Variants in H3C4 observed in about 807,000 individuals in gnomAD.
The protein encoded by H3C4 is histone H3.1.
In H3C4, 10 loss-of-function variants were observed where a neutral mutation model predicts 8.7. The observed-to-expected ratio is 1.15, with a 90% CI of 0.71 to 1.96. H3C4 has a LOEUF of 1.96. Among genes scored for constraint, H3C4 ranks in the 30% most tolerant of loss-of-function variants. H3C4 has a pLI of 0.00. For synonymous variants in H3C4, 141 were observed against 80.1 expected (o/e 1.76, Z -4.06); for missense variants, 216 against 192.9 (o/e 1.12, Z -0.71).
At chr6:26,198,971 G>A (rs117079837), upstream of H3C4, 133 of 1,614,250 alleles carry the variant, frequency 8.2e-5, 1 homozygote, top group East Asian at 1.1e-3. Flanking sequence ...TTAGCTCCTC[G>A]TCGTTGCGGA....
chr6:26,197,253 C>G lies in H3C4; in HGVS notation c.-3G>C, dbSNP rs78392824. ...GCAGTCTGCTTGGTACGAGCCATTG[C>G]GAACTTCTAAACCCTGCTAAATGAC... On this transcript the variant is annotated 5_prime_UTR_variant, in exon 1 of 1. Transcript: ENST00000356476. 2,934 of 1,609,278 alleles carry G rather than the reference C, an allele frequency of 1.8e-3. 71 individuals are homozygous for G. The South Asian group carries it at 0.02, about 11-fold the overall frequency.
At chr6:26,197,557 CTT>C (rs1765004457), upstream of H3C4, among the ~76,000 whole-genome samples, 1 of 151,940 alleles carries the variant, frequency 6.6e-6, no homozygotes, top group Non-Finnish European at 1.5e-5. Context: ...GATGACGTGT[CTT>C]AATTTTTTTT....
chr6:26,197,881 T>TAAAA (rs79006416), upstream of H3C4, among the ~76,000 whole-genome samples: 264 of 105,180 alleles, frequency 2.5e-3, 2 homozygotes, highest in East Asian at 4.3e-3. Context: ...TAATCTGCTG[T>TAAAA]AAAAAAAAAA....
rs149404743 is a variant in H3C4 at position 26,197,080 on chromosome 6, C to T, written c.171G>A (p.Lys57=). 5.0e-6 allele frequency: 8 copies of T among 1,614,240 alleles called. No homozygotes were observed. In the African/African-American group the frequency reaches 9.3e-5, roughly 19 times the overall value. The change falls in exon 1 of 1, where the codon AAG becomes AAA. Residue 57 remains lysine (K), a synonymous_variant. Transcript: ENST00000356476. ...GTTTGCGAATCAGCAGCTCGGTCGA[C>T]TTCTGGTAGCGGCGGATCTCGCGCA... ...VALREIRRYQ[K]STELLIRKLP...
upstream of H3C4, chr6:26,199,253 T>C (rs746387891): frequency 3.8e-6 from 6 of 1,591,772 alleles, no homozygotes; most frequent in Middle Eastern, 1.7e-4. Context: ...TTTTGAATTC[T>C]TAAAAACGAT....
upstream of H3C4, chr6:26,199,009 T>A: frequency 6.2e-7 from 1 of 1,614,164 alleles, no homozygotes; most frequent in Non-Finnish European, 8.5e-7. Flanking sequence ...CGGGGGATGA[T>A]GCGGGTCTTC....
chr6:26,197,561 AT>A (rs1006615419), upstream of H3C4, among the ~76,000 whole-genome samples: 5 of 151,464 alleles, frequency 3.3e-5, no homozygotes, highest in African/African-American at 9.7e-5. Context: ...ACGTGTCTTA[AT>A]TTTTTTTTAA....
chr6:26,197,349 C>G, upstream of H3C4: 1 of 1,306,438 alleles, frequency 7.7e-7, no homozygotes, highest in Non-Finnish European at 1.1e-6. Context: ...GACAAGGCAG[C>G]CTTTCCCCTG....
upstream of H3C4, chr6:26,199,117 G>C (rs568525707): frequency 1.2e-6 from 2 of 1,614,198 alleles, no homozygotes; most frequent in Admixed American, 1.7e-5. Context: ...GCCCCGACTC[G>C]CTCGGAGTAG....
upstream of H3C4, among the ~76,000 whole-genome samples, chr6:26,198,666 T>C (rs759602978): frequency 7.2e-5 from 11 of 152,198 alleles, no homozygotes; most frequent in African/African-American, 1.4e-4. Flanking sequence ...ATCTTTAAAA[T>C]GGACGGTTAG....
In H3C4 at chr6:26,197,109, C is replaced by T. The variant is rs2113856770; in HGVS notation, c.142G>A (p.Ala48Thr). ...TGGTAGCGGCGGATCTCGCGCAGAG[C>T]CACCGTGCCGGGCCGGTAACGGTGG... Reference protein sequence around the residue: ...KPHRYRPGTVALREIRRYQKS... With the variant: ...KPHRYRPGTVTLREIRRYQKS... The change falls in exon 1 of 1, where the codon GCT becomes ACT. Residue 48 changes from alanine (A) to threonine (T), a missense_variant. Transcript: ENST00000356476. 1 of 1,614,178 alleles carries T rather than the reference C, an allele frequency of 6.2e-7. No homozygotes were observed. Among genetic ancestry groups the T allele is most frequent in the African/African-American group, 1.3e-5 (1 of 75,050 alleles).
Position 26,196,952 on chromosome 6 carries a change from T to TA in H3C4, c.298dup (p.Tyr100LeufsTer7). The TA allele has an allele frequency of 6.2e-7, 1 of 1,614,224 alleles. No individual in the cohort carries two copies. Among genetic ancestry groups the TA allele is most frequent in the Non-Finnish European group, 8.5e-7 (1 of 1,180,040 alleles). On this transcript the variant is annotated frameshift_variant, in exon 1 of 1. Coordinates refer to ENST00000356476, the MANE Select transcript of H3C4 (RefSeq NM_001376937.1). LOFTEE classifies it high-confidence loss of function. ...GGTGTCCTCAAACAGCCCCACCAGG[T>TA]AGGCCTCGCAGGCCTCCTGCAGCGC...
chr6:26,198,815 C>G (rs1323055222), upstream of H3C4: 1 of 1,599,446 alleles, frequency 6.3e-7, no homozygotes, highest in East Asian at 2.2e-5. Flanking sequence ...TTTGTTAAGA[C>G]TGCTTCCTTA....
At position 26,197,129 on chromosome 6, in the gene H3C4, C is replaced by T; in HGVS notation, c.122G>A (p.Arg41His). The change falls in exon 1 of 1, where the codon CGT becomes CAT. Residue 41 changes from arginine (R) to histidine (H), a missense_variant. Arg to His is a conservative substitution (Grantham distance 29, BLOSUM62 0). Transcript: ENST00000356476. ...CAGAGCCACCGTGCCGGGCCGGTAA[C>T]GGTGGGGCTTCTTCACGCCGCCGGT... is the stretch of plus-strand genomic sequence containing the variant. ...PATGGVKKPH[R>H]YRPGTVALRE... 6.2e-7 allele frequency: 1 copy of T among 1,614,198 alleles called. No homozygotes were observed. Among genetic ancestry groups the T allele is most frequent in the Non-Finnish European group, 8.5e-7 (1 of 1,180,030 alleles).
chr6:26,198,754 C>T, upstream of H3C4: 2 of 1,247,890 alleles, frequency 1.6e-6, no homozygotes, highest in Admixed American at 2.4e-5. Flanking sequence ...GCTATTTACA[C>T]AGAAAATGTG....
chr6:26,198,844 T>C (rs1156419719), upstream of H3C4: 3 of 1,611,224 alleles, frequency 1.9e-6, no homozygotes, highest in Non-Finnish European at 2.5e-6. Context: ...ATATAAGAGT[T>C]CTCGTTTTAC....
chr6:26,197,306 C>G (rs951301265), upstream of H3C4: 37 of 1,562,854 alleles, frequency 2.4e-5, no homozygotes, highest in Admixed American at 4.1e-5. Flanking sequence ...GCCTTTCGTA[C>G]CCGTATATAT....
At chr6:26,198,625 C>T (rs971541960), upstream of H3C4, among the ~76,000 whole-genome samples, 2 of 152,198 alleles carry the variant, frequency 1.3e-5, no homozygotes, top group Admixed American at 1.3e-4. Flanking sequence ...AGGAACCGCG[C>T]CCCGCCAATT....
At chr6:26,199,118 C>A, upstream of H3C4, 1 of 1,614,214 alleles carries the variant, frequency 6.2e-7, no homozygotes, top group Non-Finnish European at 8.5e-7. Flanking sequence ...CCCCGACTCG[C>A]TCGGAGTAGT....
Sources: allele counts gnomAD v4.1 joint callset (sites outside exome capture counted in the v4.1 genomes callset), GRCh38; gene constraint gnomAD v4.1.1; transcripts MANE v1.5; gene names NCBI Gene and HGNC (gene_info 2026-07-23, HGNC 2026-07-21).